The following PDE1C variants were observed in gnomAD, a reference collection of about 807,000 sequenced individuals.
PDE1C encodes phosphodiesterase 1C, also known as dual specificity calcium/calmodulin-dependent 3',5'-cyclic nucleotide phosphodiesterase 1C.
Under a neutral mutation model 93.1 loss-of-function variants are expected in PDE1C, and 62 were observed. That is an observed-to-expected ratio of 0.67 (90% CI 0.54 to 0.82). The LOEUF (loss-of-function observed/expected upper bound fraction) is 0.82. Among genes scored for constraint, PDE1C ranks in the 40% least tolerant of loss-of-function variants. The pLI, the probability that PDE1C is intolerant of heterozygous loss-of-function variation, is 0.00. For synonymous variants in PDE1C, 325 were observed against 310.1 expected (o/e 1.05, Z -0.50); for missense variants, 742 against 884.6 (o/e 0.84, Z 2.04).
chr7:31,891,098 C>A (rs879197898), intron 2 of PDE1C, among the ~76,000 whole-genome samples: 8 of 152,172 alleles, frequency 5.3e-5, no homozygotes, highest in African/African-American at 1.7e-4. Context: ...TCTGTCCCAC[C>A]TTGTGGCTCC....
intron 3 of PDE1C, among the ~76,000 whole-genome samples, chr7:32,095,645 A>G (rs1277274638): frequency 2.0e-5 from 3 of 152,170 alleles, no homozygotes; most frequent in African/African-American, 4.8e-5. Context: ...CATCCTTTCA[A>G]TATACCAAAT....
At chr7:31,652,391 C>A in the PDE1C span, 1 of 1,372,702 alleles carries the variant, frequency 7.3e-7, no homozygotes, top group Non-Finnish European at 9.7e-7. Flanking sequence ...TCAGAATCTG[C>A]TGCTGGCTCA....
intron 2 of PDE1C, among the ~76,000 whole-genome samples, chr7:31,966,159 C>A (rs1809922474): frequency 1.3e-5 from 2 of 152,144 alleles, no homozygotes; most frequent in Non-Finnish European, 2.9e-5. Context: ...AAGGCACAGA[C>A]TGGCAAACTG....
At chr7:32,023,435 C>A (rs1487612070) in intron 2 of PDE1C, among the ~76,000 whole-genome samples, 1 of 152,064 alleles carries the variant, frequency 6.6e-6, no homozygotes, top group African/African-American at 2.4e-5. Flanking sequence ...TTAAGACATA[C>A]ATCACGAGAA....
intron 10 of PDE1C, 126 bp downstream of exon 10, chr7:31,837,744 A>G: frequency 3.2e-6 from 2 of 634,436 alleles, no homozygotes; most frequent in South Asian, 4.5e-5. Flanking sequence ...CTTCAAACAT[A>G]ATCATTGCAT....
chr7:32,033,152 G>A (rs1790560340), intron 2 of PDE1C, among the ~76,000 whole-genome samples: 1 of 152,112 alleles, frequency 6.6e-6, no homozygotes, highest in Admixed American at 6.5e-5. Context: ...CTCTCTTGAT[G>A]GCATCCTAGC....
chr7:31,638,147 G>A, the PDE1C span, among the ~76,000 whole-genome samples: 1 of 152,176 alleles, frequency 6.6e-6, no homozygotes, highest in Non-Finnish European at 1.5e-5. Context: ...GTTACTGCAA[G>A]AATCATCATG....
intron 1 of PDE1C, among the ~76,000 whole-genome samples, chr7:32,410,173 T>A (rs142258764): frequency 6.6e-6 from 1 of 152,072 alleles, no homozygotes; most frequent in African/African-American, 2.4e-5. Context: ...AGTAGTTTTT[T>A]AAAAACCAAC....
At chr7:31,989,533 T>C (rs900983894) in intron 2 of PDE1C, among the ~76,000 whole-genome samples, 2 of 152,242 alleles carry the variant, frequency 1.3e-5, no homozygotes, top group Admixed American at 1.3e-4. Flanking sequence ...GGCGTATATA[T>C]ATGCACAACA....
intron 2 of PDE1C, among the ~76,000 whole-genome samples, chr7:32,042,806 C>T (rs1792012689): frequency 6.6e-6 from 1 of 152,144 alleles, no homozygotes; most frequent in Admixed American, 6.5e-5. Flanking sequence ...AGAGTGCCCA[C>T]CATCACTGCA....
chr7:32,215,359 A>G (rs534584389), intron 1 of PDE1C, among the ~76,000 whole-genome samples: 2 of 152,270 alleles, frequency 1.3e-5, no homozygotes, highest in East Asian at 3.9e-4. Flanking sequence ...AATGTCTTCC[A>G]TGAAACCGGT....
chr7:32,130,415 C>T (rs575403982), intron 3 of PDE1C, among the ~76,000 whole-genome samples: 1 of 152,240 alleles, frequency 6.6e-6, no homozygotes, highest in Admixed American at 6.5e-5. Context: ...TCCTTCCTCT[C>T]TCCTCCCTGC....
intron 11 of PDE1C, among the ~76,000 whole-genome samples, chr7:31,830,458 G>C (rs1790239589): frequency 6.6e-6 from 1 of 152,124 alleles, no homozygotes. Context: ...TAGGGGTTAA[G>C]ATAACTCCAA....
intron 3 of PDE1C, among the ~76,000 whole-genome samples, chr7:32,079,118 A>G (rs186631205): frequency 2.6e-5 from 4 of 152,214 alleles, no homozygotes; most frequent in African/African-American, 9.6e-5. Context: ...TTTTCTCTGT[A>G]TCTGGAGGGA....
intron 3 of PDE1C, among the ~76,000 whole-genome samples, chr7:32,094,097 T>A (rs890243966): frequency 6.6e-6 from 1 of 152,242 alleles, no homozygotes; most frequent in Non-Finnish European, 1.5e-5. Context: ...GGTGTGCTGG[T>A]AAATGTCTAA....
the PDE1C span, among the ~76,000 whole-genome samples, chr7:31,623,076 G>C: frequency 1.3e-5 from 2 of 152,274 alleles, no homozygotes; most frequent in Admixed American, 6.5e-5. Context: ...TCTCTGAATA[G>C]GCCAATAACA....
At chr7:32,147,802 T>C (rs1301312054) in intron 3 of PDE1C, among the ~76,000 whole-genome samples, 1 of 151,920 alleles carries the variant, frequency 6.6e-6, no homozygotes, top group Non-Finnish European at 1.5e-5. Context: ...GGGCAGGATC[T>C]GGGTTTGAAA....
chr7:31,914,793 G>C (rs1266736598), intron 2 of PDE1C, among the ~76,000 whole-genome samples: 2 of 152,000 alleles, frequency 1.3e-5, no homozygotes, highest in African/African-American at 4.8e-5. Context: ...AGCAAAAATT[G>C]CTGTCCAATT....
At chr7:31,829,503 G>T (rs1178076478) in intron 11 of PDE1C, among the ~76,000 whole-genome samples, 3 of 152,118 alleles carry the variant, frequency 2.0e-5, no homozygotes, top group Non-Finnish European at 4.4e-5. Context: ...ACCAGGCCTG[G>T]TTCAAAACTG....
Sources: allele counts gnomAD v4.1 joint callset (sites outside exome capture counted in the v4.1 genomes callset), GRCh38; gene constraint gnomAD v4.1.1; transcripts MANE v1.5; gene names NCBI Gene and HGNC (gene_info 2026-07-23, HGNC 2026-07-21).